HDAC9: variants seen among roughly 807,000 people sequenced by gnomAD.
HDAC9 encodes MEF-2 interacting transcription repressor (MITR) protein.
HDAC9 carries 41 observed loss-of-function variants against 139.4 expected under a neutral mutation model. That is an observed-to-expected ratio of 0.29 (90% CI 0.23 to 0.38). HDAC9 has a LOEUF of 0.38. HDAC9 is among the 10% of genes least tolerant of loss of function. The pLI is 1.00. For synonymous variants in HDAC9, 517 were observed against 476.2 expected (o/e 1.09, Z -1.12); for missense variants, 1,147 against 1,297.0 (o/e 0.88, Z 1.78).
At chr7:18,316,937 C>G (rs533297972) in intron 1 of HDAC9, among the ~76,000 whole-genome samples, 3 of 151,528 alleles carry the variant, frequency 2.0e-5, no homozygotes, top group Non-Finnish European at 4.4e-5. Flanking sequence ...ACTAAAAATA[C>G]AAAAAAATTA....
In HDAC9 at chr7:18,620,145, C is replaced by A. The variant is rs1839819842; in HGVS notation, c.665-9205C>A. ...TAAAGGATTTATTCCATGTAGTTGG[C>A]ACTGTATAGGTACCTGAACAATGAA... On this transcript the variant is annotated intron_variant, in intron 6 of 25. Transcript: ENST00000686413. 2.6e-5 allele frequency among the ~76,000 whole-genome samples: 4 copies of A among 152,226 alleles called. No individual in the cohort carries two copies. In the South Asian group the frequency reaches 8.3e-4, roughly 32 times the overall value.
intron 1 of HDAC9, among the ~76,000 whole-genome samples, chr7:18,380,560 T>C (rs1158523411): frequency 1.3e-5 from 2 of 152,200 alleles, no homozygotes; most frequent in East Asian, 1.9e-4. Context: ...CAATTGACTG[T>C]ATGGCTTCTC....
chr7:18,254,071 A>C (rs1795088491), intron 2 of HDAC9, among the ~76,000 whole-genome samples: 1 of 152,244 alleles, frequency 6.6e-6, no homozygotes, highest in African/African-American at 2.4e-5. Context: ...TGGACTTTCA[A>C]TATACATCAA....
intron 2 of HDAC9, among the ~76,000 whole-genome samples, chr7:18,575,325 A>T (rs897137666): frequency 1.7e-4 from 26 of 152,216 alleles, no homozygotes; most frequent in Non-Finnish European, 7.3e-5. Flanking sequence ...TTTAATTTTT[A>T]TCTTTAAAAT....
intron 8 of HDAC9, among the ~76,000 whole-genome samples, chr7:18,640,599 A>G (rs1785287382): frequency 6.6e-6 from 1 of 150,798 alleles, no homozygotes; most frequent in African/African-American, 2.4e-5. Flanking sequence ...TGGAGGCATC[A>G]TTCTCTCCCG....
chr7:18,244,965 A>G (rs1422323252), intron 2 of HDAC9, among the ~76,000 whole-genome samples: 2 of 121,478 alleles, frequency 1.6e-5, no homozygotes, highest in Non-Finnish European at 3.7e-5. Context: ...GACATAACAT[A>G]TATATACATC....
chr7:18,668,434 G>A, intron 12 of HDAC9: 1 of 947,800 alleles, frequency 1.1e-6, no homozygotes, highest in Non-Finnish European at 1.3e-6. Flanking sequence ...TCATAAAAAA[G>A]GGATAGTGCA....
intron 2 of HDAC9, chr7:18,502,344 G>C (rs985541833): frequency 5.9e-5 from 9 of 152,134 alleles, no homozygotes; most frequent in African/African-American, 2.2e-4. Flanking sequence ...TCTTTCACTT[G>C]TTTTTCAGAG....
At chr7:18,932,634 A>G (rs1804845824) in intron 22 of HDAC9, among the ~76,000 whole-genome samples, 1 of 152,136 alleles carries the variant, frequency 6.6e-6, no homozygotes, top group South Asian at 2.1e-4. Context: ...CAGAATAAAG[A>G]AAGAATGACA....
chr7:18,758,449 G>A (rs1039314386), intron 14 of HDAC9, among the ~76,000 whole-genome samples: 20 of 152,128 alleles, frequency 1.3e-4, no homozygotes, highest in Non-Finnish European at 1.5e-5. Context: ...AGAATAAAGG[G>A]TGCGCAGAAA....
intron 1 of HDAC9, among the ~76,000 whole-genome samples, chr7:18,103,505 T>G (rs1449660540): frequency 2.6e-5 from 4 of 152,162 alleles, no homozygotes; most frequent in Admixed American, 6.5e-5. Flanking sequence ...TCCTCCCTTT[T>G]GGAGTCCCCG....
At chr7:18,718,334 C>G (rs1161037143) in intron 12 of HDAC9, among the ~76,000 whole-genome samples, 1 of 152,052 alleles carries the variant, frequency 6.6e-6, no homozygotes, top group African/African-American at 2.4e-5. Context: ...CAGGTTCAAG[C>G]AATTCTCCTG....
chr7:18,259,360 C>G (rs1026080895), intron 2 of HDAC9, among the ~76,000 whole-genome samples: 4 of 151,976 alleles, frequency 2.6e-5, no homozygotes, highest in African/African-American at 9.7e-5. Context: ...TATATGAAGA[C>G]AAGCCTGTTT....
chr7:18,947,278 A>G (rs919784933), intron 23 of HDAC9, among the ~76,000 whole-genome samples: 1 of 152,004 alleles, frequency 6.6e-6, no homozygotes, highest in Non-Finnish European at 1.5e-5. Flanking sequence ...GATAAAATAG[A>G]AAACAAGCAT....
At chr7:18,559,249 C>A (rs1819824862) in intron 2 of HDAC9, among the ~76,000 whole-genome samples, 1 of 152,050 alleles carries the variant, frequency 6.6e-6, no homozygotes, top group South Asian at 2.1e-4. Flanking sequence ...TCTTGTTCTC[C>A]CTCTCTCCCG....
chr7:18,378,092 C>T (rs1785134919), intron 1 of HDAC9, among the ~76,000 whole-genome samples: 1 of 152,064 alleles, frequency 6.6e-6, no homozygotes, highest in Admixed American at 6.6e-5. Context: ...GGTTTTGAGG[C>T]AGCAAAAACA....
At chr7:18,376,082 C>G (rs892028987) in intron 1 of HDAC9, among the ~76,000 whole-genome samples, 2 of 151,980 alleles carry the variant, frequency 1.3e-5, no homozygotes, top group Non-Finnish European at 2.9e-5. Context: ...CTTTGTGACC[C>G]TTCTGAGCCA....
intron 21 of HDAC9, among the ~76,000 whole-genome samples, chr7:18,872,384 T>G (rs1250736118): frequency 1.3e-5 from 2 of 152,124 alleles, no homozygotes. Context: ...TTCCGTATAT[T>G]CAGAGATATG....
chr7:18,531,019 A>G (rs554227672), intron 2 of HDAC9, among the ~76,000 whole-genome samples: 1 of 152,136 alleles, frequency 6.6e-6, no homozygotes, highest in East Asian at 1.9e-4. Flanking sequence ...GTATGCTTCT[A>G]GTGCAACCTC....
Sources: gnomAD v4.1 joint callset for allele counts (sites outside exome capture counted in the v4.1 genomes callset) on GRCh38, gnomAD v4.1.1 for gene constraint, MANE v1.5 for transcripts, NCBI Gene and HGNC (gene_info 2026-07-23, HGNC 2026-07-21) for gene names.